NXPE2: variants seen among roughly 807,000 people sequenced by gnomAD.
NXPE2 encodes the protein NXPE family member 2.
NXPE2 carries 34 observed loss-of-function variants against 34.4 expected under a neutral mutation model. The observed-to-expected ratio is 0.99, with a 90% CI of 0.75 to 1.31. The LOEUF (loss-of-function observed/expected upper bound fraction) is 1.31, where lower values mean the gene tolerates loss of function less well. NXPE2 is among the 40% of genes most tolerant of loss of function. NXPE2 has a pLI of 0.00. For synonymous variants in NXPE2, 235 were observed against 231.3 expected, an observed-to-expected ratio of 1.02 and a Z score of -0.15; for missense variants, 649 against 672.5, an observed-to-expected ratio of 0.97 and a Z score of 0.39.
chr11:114,486,677 T>C, the NXPE2 span, among the ~76,000 whole-genome samples: 1 of 152,248 alleles, frequency 6.6e-6, no homozygotes, highest in South Asian at 2.1e-4. Context: ...TGCTTGTTTA[T>C]GGTGAGAGAT....
chr11:114,738,457 T>C, the NXPE2 span, among the ~76,000 whole-genome samples: 25 of 152,284 alleles, frequency 1.6e-4, no homozygotes, highest in African/African-American at 5.3e-4. Context: ...ATAATTCTTG[T>C]CCATTCTTTC....
At chr11:114,661,235 T>G in the NXPE2 span, among the ~76,000 whole-genome samples, 3 of 152,198 alleles carry the variant, frequency 2.0e-5, no homozygotes, top group African/African-American at 4.8e-5. Context: ...TACTTTTTAT[T>G]TAAATCAACA....
At chr11:114,540,080 T>G in the NXPE2 span, among the ~76,000 whole-genome samples, 1 of 152,194 alleles carries the variant, frequency 6.6e-6, no homozygotes. Context: ...CTCAGCCGCC[T>G]GAATAGCTGG....
At chr11:114,674,390 C>A, upstream of NXPE2, among the ~76,000 whole-genome samples, 1 of 151,688 alleles carries the variant, frequency 6.6e-6, no homozygotes, top group East Asian at 1.9e-4. Flanking sequence ...TGAATAATTT[C>A]ACTTAGCTAC....
chr11:114,637,958 C>T, the NXPE2 span, among the ~76,000 whole-genome samples: 21,854 of 151,530 alleles, frequency 0.14, 1,999 homozygotes, highest in East Asian at 0.38. Context: ...TTGCTCTTCT[C>T]GAGGAGTATC....
chr11:114,591,002 A>G, the NXPE2 span, among the ~76,000 whole-genome samples: 1 of 152,188 alleles, frequency 6.6e-6, no homozygotes, highest in Non-Finnish European at 1.5e-5. Flanking sequence ...GAACCTGAAC[A>G]TGACTGTGAG....
At chr11:114,804,472 T>C in the NXPE2 span, among the ~76,000 whole-genome samples, 1 of 152,256 alleles carries the variant, frequency 6.6e-6, no homozygotes, top group African/African-American at 2.4e-5. Context: ...TGCCATTCAT[T>C]GTGGACTGTC....
chr11:114,704,158 C>T (rs189887259), intron 4 of NXPE2, 106 bp downstream of exon 4: 2 of 818,514 alleles, frequency 2.4e-6, no homozygotes, highest in African/African-American at 3.4e-5. Context: ...CTCTCATTTC[C>T]TGGGACAAAT....
chr11:114,478,621 G>C, the NXPE2 span, among the ~76,000 whole-genome samples: 3 of 152,260 alleles, frequency 2.0e-5, no homozygotes, highest in African/African-American at 7.2e-5. Flanking sequence ...CTAGAGAAGA[G>C]TCTCCAAATA....
At chr11:114,535,078 A>T in the NXPE2 span, among the ~76,000 whole-genome samples, 1 of 152,210 alleles carries the variant, frequency 6.6e-6, no homozygotes, top group Non-Finnish European at 1.5e-5. Context: ...CTAACAGCTG[A>T]TCTCTTGCCA....
chr11:114,618,885 C>A, the NXPE2 span, among the ~76,000 whole-genome samples: 1 of 152,116 alleles, frequency 6.6e-6, no homozygotes, highest in East Asian at 1.9e-4. Flanking sequence ...TGGGTCACCA[C>A]TGTTACCCGG....
At chr11:114,661,309 G>A in the NXPE2 span, among the ~76,000 whole-genome samples, 3 of 152,142 alleles carry the variant, frequency 2.0e-5, no homozygotes, top group Non-Finnish European at 4.4e-5. Flanking sequence ...TTTTGTAAAA[G>A]AAGAGCACTA....
intron 3 of NXPE2, among the ~76,000 whole-genome samples, chr11:114,701,477 T>C (rs1425124972): frequency 1.3e-5 from 2 of 152,156 alleles, no homozygotes; most frequent in Non-Finnish European, 2.9e-5. Flanking sequence ...GTAAGCTGCT[T>C]TATTTCCAAA....
upstream of NXPE2, among the ~76,000 whole-genome samples, chr11:114,674,870 C>G (rs780418116): frequency 1.3e-5 from 2 of 151,642 alleles, no homozygotes; most frequent in Non-Finnish European, 3.0e-5. Flanking sequence ...TATAGACTAT[C>G]ATCCCTAATG....
the NXPE2 span, among the ~76,000 whole-genome samples, chr11:114,468,061 G>A: frequency 0.29 from 44,115 of 151,456 alleles, 6,720 homozygotes; most frequent in East Asian, 0.37. Context: ...GGCTTTCCTG[G>A]GCCACATTGG....
chr11:114,683,383 G>T (rs1347407852), intron 2 of NXPE2, among the ~76,000 whole-genome samples: 1 of 149,928 alleles, frequency 6.7e-6, no homozygotes, highest in Non-Finnish European at 1.5e-5. Context: ...ATTGATTATT[G>T]TCTATCCTTA....
chr11:114,622,632 TAA>T, the NXPE2 span, among the ~76,000 whole-genome samples: 105 of 152,014 alleles, frequency 6.9e-4, no homozygotes, highest in African/African-American at 2.4e-3. Context: ...CAGTGGATAA[TAA>T]GTGTTGCCTC....
the NXPE2 span, among the ~76,000 whole-genome samples, chr11:114,788,460 C>T: frequency 4.6e-5 from 7 of 152,186 alleles, no homozygotes; most frequent in African/African-American, 9.6e-5. Context: ...TCTGGGGAGA[C>T]GGCCCCCAGA....
At chr11:114,541,505 C>A in the NXPE2 span, among the ~76,000 whole-genome samples, 2 of 152,166 alleles carry the variant, frequency 1.3e-5, no homozygotes, top group African/African-American at 2.4e-5. Flanking sequence ...CAAATATGAG[C>A]GACCACGACA....
Sources: gnomAD v4.1 joint callset for allele counts (sites outside exome capture counted in the v4.1 genomes callset) on GRCh38, gnomAD v4.1.1 for gene constraint, MANE v1.5 for transcripts, NCBI Gene and HGNC (gene_info 2026-07-23, HGNC 2026-07-21) for gene names.